Variants in PPP4R3A observed in about 807,000 individuals in gnomAD.
PPP4R3A encodes the protein serine/threonine-protein phosphatase 4 regulatory subunit 3A.
Under a neutral mutation model 91.7 loss-of-function variants are expected in PPP4R3A, and 15 were observed. The ratio of observed to expected loss-of-function variants is 0.16; its 90% CI spans 0.11 to 0.25. The LOEUF (loss-of-function observed/expected upper bound fraction) is 0.25. PPP4R3A is among the 10% of genes least tolerant of loss of function. The pLI, the probability that PPP4R3A is intolerant of heterozygous loss-of-function variation, is 1.00. For missense variants in PPP4R3A, 623 were observed against 998.4 expected, an observed-to-expected ratio of 0.62 and a Z score of 5.07; for synonymous variants, 377 against 348.7, an observed-to-expected ratio of 1.08 and a Z score of -0.91.
intron 14 of PPP4R3A, among the ~76,000 whole-genome samples, chr14:91,461,003 G>T (rs995522928): frequency 6.6e-6 from 1 of 152,168 alleles, no homozygotes; most frequent in Non-Finnish European, 1.5e-5. Context: ...AAAGTTAGAA[G>T]TACCCAGATA....
intron 7 of PPP4R3A, 26 bp downstream of exon 7, chr14:91,475,781 ATACT>A (rs766384674): frequency 1.6e-5 from 26 of 1,578,092 alleles, no homozygotes; most frequent in East Asian, 6.8e-5. Context: ...CTATGTATAA[ATACT>A]TACTATTAGT....
At chr14:91,495,329 T>TG (rs1409046314) in intron 1 of PPP4R3A, among the ~76,000 whole-genome samples, 16 of 151,250 alleles carry the variant, frequency 1.1e-4, no homozygotes, top group South Asian at 4.2e-4. Flanking sequence ...TGTGTGTATG[T>TG]TTTTTTTTAG....
chr14:91,507,451 G>A (rs1439290604), intron 1 of PPP4R3A, among the ~76,000 whole-genome samples: 1 of 109,164 alleles, frequency 9.2e-6, no homozygotes, highest in African/African-American at 3.6e-5. Flanking sequence ...ATACTATATA[G>A]TATATATACT....
intron 3 of PPP4R3A, among the ~76,000 whole-genome samples, chr14:91,484,810 G>C (rs1027833592): frequency 2.0e-5 from 3 of 152,172 alleles, no homozygotes; most frequent in African/African-American, 7.2e-5. Flanking sequence ...TAAACATGGA[G>C]ATGGAGAAAC....
At chr14:91,503,356 C>G (rs904088212) in intron 1 of PPP4R3A, among the ~76,000 whole-genome samples, 5 of 151,784 alleles carry the variant, frequency 3.3e-5, no homozygotes, top group Non-Finnish European at 5.9e-5. Context: ...GGCTCAGTCA[C>G]AGCTCACTGT....
At chr14:91,507,747 T>C (rs972859275) in intron 1 of PPP4R3A, among the ~76,000 whole-genome samples, 8 of 144,604 alleles carry the variant, frequency 5.5e-5, no homozygotes, top group Non-Finnish European at 1.2e-4. Context: ...GGATTTTTTG[T>C]ATAATGAATC....
intron 1 of PPP4R3A, among the ~76,000 whole-genome samples, chr14:91,502,953 G>A (rs1174448405): frequency 6.6e-6 from 1 of 152,162 alleles, no homozygotes; most frequent in Non-Finnish European, 1.5e-5. Flanking sequence ...TTCAGTGTGT[G>A]GAGGAATTCC....
chr14:91,486,248 T>G (rs889811065), intron 2 of PPP4R3A, among the ~76,000 whole-genome samples: 13 of 101,820 alleles, frequency 1.3e-4, no homozygotes, highest in East Asian at 1.1e-3. Flanking sequence ...ATAGGTTTTT[T>G]TGTTTTTTTT....
chr14:91,506,470 G>T (rs78848529), intron 1 of PPP4R3A, among the ~76,000 whole-genome samples: 1 of 152,166 alleles, frequency 6.6e-6, no homozygotes, highest in South Asian at 2.1e-4. Flanking sequence ...TCCCTATTTA[G>T]ATGTGACAAG....
intron 14 of PPP4R3A, among the ~76,000 whole-genome samples, chr14:91,460,985 G>T (rs1394058395): frequency 6.6e-6 from 1 of 152,116 alleles, no homozygotes; most frequent in East Asian, 1.9e-4. Context: ...AACCTTAACT[G>T]GCAAAGTAAA....
At chr14:91,460,453 T>C (rs559932285) in intron 14 of PPP4R3A, among the ~76,000 whole-genome samples, 1 of 151,874 alleles carries the variant, frequency 6.6e-6, no homozygotes, top group East Asian at 1.9e-4. Context: ...AAAGACTGAA[T>C]GGGCATTACG....
intron 1 of PPP4R3A, among the ~76,000 whole-genome samples, chr14:91,498,280 A>G (rs1343856081): frequency 1.3e-5 from 2 of 152,100 alleles, no homozygotes; most frequent in East Asian, 1.9e-4. Flanking sequence ...GGTTGCAGTA[A>G]GCCAAGATTG....
At chr14:91,471,434 GT>G (rs534092822) in intron 9 of PPP4R3A, among the ~76,000 whole-genome samples, 48 of 152,302 alleles carry the variant, frequency 3.2e-4, no homozygotes, top group Non-Finnish European at 6.6e-4. Context: ...ATTCCAGTGT[GT>G]TTTGTGCCTC....
At position 91,465,433 on chromosome 14, in the gene PPP4R3A, G is replaced by C; in HGVS notation, c.1661-14C>G. The C allele has an allele frequency of 1.3e-6, 2 of 1,563,128 alleles. No individual in the cohort carries two copies. The highest frequency in any genetic ancestry group is 1.2e-5 in the South Asian group (1 of 81,468). ...AACGAAGGGCACCTGAAACACAGAG[G>C]CATGGTTGTTTAAATCACATACCAC... On this transcript the variant is annotated splice_polypyrimidine_tract_variant and intron_variant, in intron 10 of 14. Coordinates refer to ENST00000554943, the MANE Select transcript of PPP4R3A (RefSeq NM_001366432.2).
chr14:91,490,785 A>C lies in PPP4R3A; in HGVS notation c.160T>G (p.Ser54Ala). Residue 54 changes from serine to alanine, a missense_variant, in exon 2 of 15, where the codon TCG becomes GCG. Physicochemically the swap from Ser to Ala is moderately conservative, Grantham distance 99. Transcript: ENST00000554943. ...TATGCAGTGTTAGGATTTATTTTCG[A>C]CTCTAAAAGTAGAGAACCTAGGAAA... ...AESDGSLLLE[S>A]KINPNTAYQK... 2 of 1,609,276 alleles carry C rather than the reference A, an allele frequency of 1.2e-6. No homozygotes were observed. The highest frequency in any genetic ancestry group is 1.7e-6 in the Non-Finnish European group (2 of 1,178,524).
At chr14:91,487,419 A>G (rs1392196792) in intron 2 of PPP4R3A, among the ~76,000 whole-genome samples, 1 of 152,228 alleles carries the variant, frequency 6.6e-6, no homozygotes, top group African/African-American at 2.4e-5. Flanking sequence ...AGTTACATTT[A>G]ATGGCTAACT....
intron 2 of PPP4R3A, among the ~76,000 whole-genome samples, chr14:91,486,360 G>A (rs1889881452): frequency 6.6e-6 from 1 of 151,636 alleles, no homozygotes; most frequent in South Asian, 2.1e-4. Flanking sequence ...TTTTTGTAGA[G>A]ATGGAGGTCT....
intron 1 of PPP4R3A, 103 bp from the exon 2 acceptor site, chr14:91,490,905 T>A: frequency 2.0e-6 from 1 of 507,734 alleles, no homozygotes; most frequent in Non-Finnish European, 3.0e-6. Context: ...TAATAATTTT[T>A]TTTTTTTTTT....
At chr14:91,507,633 C>CACGGAA (rs1246662987) in intron 1 of PPP4R3A, among the ~76,000 whole-genome samples, 30 of 39,376 alleles carry the variant, frequency 7.6e-4, no homozygotes, top group African/African-American at 1.5e-3. Context: ...ATTATATATA[C>CACGGAA]TATAATAATA....
Sources: gnomAD v4.1 joint callset for allele counts (sites outside exome capture counted in the v4.1 genomes callset) on GRCh38, gnomAD v4.1.1 for gene constraint, MANE v1.5 for transcripts, NCBI Gene and HGNC (gene_info 2026-07-23, HGNC 2026-07-21) for gene names.